Variants in ZDHHC8 observed in about 807,000 individuals in gnomAD.
The protein encoded by ZDHHC8 is palmitoyltransferase ZDHHC8.
In ZDHHC8, 24 loss-of-function variants were observed where a neutral mutation model predicts 61.2. The ratio of observed to expected loss-of-function variants is 0.39; its 90% CI spans 0.28 to 0.55. The LOEUF (loss-of-function observed/expected upper bound fraction) is 0.55, where lower values mean the gene tolerates loss of function less well. Ranked by LOEUF, ZDHHC8 falls within the 20% of genes least tolerant of loss-of-function variation. ZDHHC8 has a pLI of 0.60. For missense variants in ZDHHC8, 935 were observed against 1,102.1 expected (o/e 0.85, Z 2.15); for synonymous variants, 523 against 492.5 (o/e 1.06, Z -0.82).
rs1347300008 is a variant in ZDHHC8, at chr22:20,142,703, G to A, written c.1126-53G>A. ...GTGGCCCCCGTGGGTGCTGACTGGC[G>A]GCTGCAGGCGGGGTGGCAGGTGGGC... is the stretch of plus-strand genomic sequence containing the variant. On this transcript the variant is annotated intron_variant, in intron 9 of 10. Coordinates refer to ENST00000334554, the MANE Select transcript of ZDHHC8 (RefSeq NM_013373.4). 16 of 1,606,684 alleles carry A rather than the reference G, an allele frequency of 1.0e-5. 1 individual carries two copies. Among genetic ancestry groups the A allele is most frequent in the South Asian group, 7.7e-5 (7 of 90,542 alleles).
At chr22:20,142,492 G>A (rs2050478821) in intron 9 of ZDHHC8, among the ~76,000 whole-genome samples, 1 of 152,224 alleles carries the variant, frequency 6.6e-6, no homozygotes, top group Non-Finnish European at 1.5e-5. Flanking sequence ...TGCCCTGAGT[G>A]GTGGGCCCCT....
Position 20,147,388 on chromosome 22 carries a change from A to T in ZDHHC8, c.*1988A>T. ...GATTCCCAGCCTGCCAGGGCCTGAGACCCTGTGTCCACATGACCTCAGGGA... is the reference window on the plus strand; with the variant it reads ...GATTCCCAGCCTGCCAGGGCCTGAGTCCCTGTGTCCACATGACCTCAGGGA... On this transcript the variant is annotated 3_prime_UTR_variant, in exon 11 of 11. Transcript: ENST00000334554. 1.3e-6 allele frequency: 1 copy of T among 763,406 alleles called. No individual in the cohort carries two copies. The allele number at this position is 763,406 out of a possible 1,614,324, so 47.3% of individuals were successfully genotyped here.
chr22:20,145,132 C>T (rs1262659909), intron 10 of ZDHHC8, 97 bp from the exon 11 acceptor site: 33 of 1,170,198 alleles, frequency 2.8e-5, no homozygotes, highest in African/African-American at 1.4e-4. Context: ...CACTAGTCCA[C>T]GTCCGCGTCG....
intron 1 of ZDHHC8, among the ~76,000 whole-genome samples, chr22:20,138,378 G>A (rs1364991233): frequency 2.0e-5 from 3 of 152,242 alleles, no homozygotes; most frequent in South Asian, 2.1e-4. Context: ...TTAGGAACCC[G>A]CTGCAGGCCG....
At chr22:20,145,192 A>G in intron 10 of ZDHHC8, 37 bp from the exon 11 acceptor site, 2 of 1,402,770 alleles carry the variant, frequency 1.4e-6, no homozygotes, top group Non-Finnish European at 1.9e-6. Flanking sequence ...TCGTGTGTTC[A>G]CCGTGTGCAT....
chr22:20,140,933 C>A lies in ZDHHC8; in HGVS notation c.815C>A (p.Pro272His). The change falls in exon 7 of 11, where the codon CCT becomes CAT. Residue 272 changes from proline (P) to histidine (H), a missense_variant. Transcript: ENST00000334554. ...AGTTTGAAGCCGCCTTTCCTTAGGC[C>A]TGAACTCCTGGACCGAGCTGCACCG... is the stretch of plus-strand genomic sequence containing the variant. ...AVSLKPPFLR[P>H]ELLDRAAPLK... 1 of 1,609,352 alleles carries A rather than the reference C, an allele frequency of 6.2e-7. No individual in the cohort carries two copies. Among genetic ancestry groups the A allele is most frequent in the Non-Finnish European group, 8.5e-7 (1 of 1,179,988 alleles).
chr22:20,146,185 G>C lies in ZDHHC8; in HGVS notation c.*785G>C. On this transcript the variant is annotated 3_prime_UTR_variant, in exon 11 of 11. Coordinates refer to ENST00000334554, the MANE Select transcript of ZDHHC8 (RefSeq NM_013373.4). ...GCACGGGGGTGATGCTGCCACAGGG[G>C]GCTGGTGACACCCAGAGCCCCCTCC... 1.0e-6 allele frequency: 1 copy of C among 985,644 alleles called. No homozygotes were observed. Among genetic ancestry groups the C allele is most frequent in the Non-Finnish European group, 1.2e-6 (1 of 829,950 alleles). 61.1% of individuals were successfully genotyped at this position (985,644 alleles called of 1,614,324 possible). A position where few individuals can be genotyped will look rare whatever the true frequency, so the allele number is the denominator to read the frequency against.
At chr22:20,142,444 C>T (rs566127749) in intron 9 of ZDHHC8, among the ~76,000 whole-genome samples, 110 of 152,330 alleles carry the variant, frequency 7.2e-4, no homozygotes, top group African/African-American at 2.5e-3. Flanking sequence ...CCTATGTGCC[C>T]GTCACAGGGG....
chr22:20,133,033 G>A (rs1362867414), intron 1 of ZDHHC8, among the ~76,000 whole-genome samples: 1 of 152,256 alleles, frequency 6.6e-6, no homozygotes, highest in Non-Finnish European at 1.5e-5. Context: ...GGTAGGGGCT[G>A]CCTGGCGCTC....
Position 20,147,335 on chromosome 22 carries a change from T to C in ZDHHC8, c.*1935T>C. On this transcript the variant is annotated 3_prime_UTR_variant, in exon 11 of 11. Transcript: ENST00000334554. ...GGGCAGGGCTGGGGGTGGGCTGGGCTCTCTGCTCCACCAGCCACAGCTTGA... is the reference window on the plus strand; with the variant it reads ...GGGCAGGGCTGGGGGTGGGCTGGGCCCTCTGCTCCACCAGCCACAGCTTGA... 1 of 1,162,652 alleles carries C rather than the reference T, an allele frequency of 8.6e-7. No individual in the cohort carries two copies. The highest frequency in any genetic ancestry group is 1.1e-6 in the Non-Finnish European group (1 of 870,460). 72.0% of individuals were successfully genotyped at this position (1,162,652 alleles called of 1,614,324 possible). A position where few individuals can be genotyped will look rare whatever the true frequency, so the allele number is the denominator to read the frequency against.
chr22:20,135,822 C>A (rs1453603130), intron 1 of ZDHHC8, among the ~76,000 whole-genome samples: 1 of 152,266 alleles, frequency 6.6e-6, no homozygotes, highest in Non-Finnish European at 1.5e-5. Context: ...CTGACAAGGG[C>A]GCAGCAGCTT....
rs1405800808 is a variant in ZDHHC8, at chr22:20,145,667, T to G, written c.*267T>G. 9.0e-7 allele frequency: 1 copy of G among 1,106,440 alleles called. No individual in the cohort carries two copies. Among genetic ancestry groups the G allele is most frequent in the Non-Finnish European group, 1.1e-6 (1 of 907,592 alleles). The allele number at this position is 1,106,440 out of a possible 1,614,324, so 68.5% of individuals were successfully genotyped here. On this transcript the variant is annotated 3_prime_UTR_variant, in exon 11 of 11. Transcript: ENST00000334554. ...TGGGCCTGTCCCATGGCTGGGGCAG[T>G]GAGGGGGCCCAGTCAGCCTCTTTGG... is the stretch of plus-strand genomic sequence containing the variant.
chr22:20,146,869 G>A lies in ZDHHC8; in HGVS notation c.*1469G>A. On this transcript the variant is annotated 3_prime_UTR_variant, in exon 11 of 11. Coordinates refer to ENST00000334554, the MANE Select transcript of ZDHHC8 (RefSeq NM_013373.4). ...CTCTCCTGCCTGCCACATGCCAGGG[G>A]CAGGGCTGAGGGAGTGTGAGGGATG... 1.6e-6 allele frequency: 2 copies of A among 1,270,618 alleles called. No homozygotes were observed. 78.7% of individuals were successfully genotyped at this position (1,270,618 alleles called of 1,614,324 possible).
At position 20,147,572 on chromosome 22, in the gene ZDHHC8, G is replaced by GT. The variant is rs761531803; in HGVS notation, c.*2173dup. ...CCCAGGCCTCCGTGGGTTGGGCTGGGTGGGGGGGGGGTCTCAGGTTGCCCC... is the reference window on the plus strand; with the variant it reads ...CCCAGGCCTCCGTGGGTTGGGCTGGGTTGGGGGGGGGGTCTCAGGTTGCCCC... On this transcript the variant is annotated 3_prime_UTR_variant, in exon 11 of 11. Transcript: ENST00000334554. 317 of 197,444 alleles carry GT rather than the reference G, an allele frequency of 1.6e-3. 1 individual carries two copies. Among genetic ancestry groups the GT allele is most frequent in the South Asian group, 8.4e-3 (49 of 5,848 alleles). 12.2% of individuals were successfully genotyped at this position (197,444 alleles called of 1,614,324 possible).
chr22:20,135,613 G>A (rs1314091192), intron 1 of ZDHHC8, among the ~76,000 whole-genome samples: 1 of 152,256 alleles, frequency 6.6e-6, no homozygotes, highest in Non-Finnish European at 1.5e-5. Context: ...TGGTGGGCCA[G>A]GAGGGACTGA....
chr22:20,146,288 C>G lies in ZDHHC8; in HGVS notation c.*888C>G, dbSNP rs554588326. The G allele has an allele frequency of 6.2e-5, 61 of 985,550 alleles. No individual in the cohort carries two copies. The East Asian group carries it at 6.3e-3, about 101-fold the overall frequency. 61.1% of individuals were successfully genotyped at this position (985,550 alleles called of 1,614,324 possible). On this transcript the variant is annotated 3_prime_UTR_variant, in exon 11 of 11. Coordinates refer to ENST00000334554, the MANE Select transcript of ZDHHC8 (RefSeq NM_013373.4). ...CACGTCCGCAGCCCCGGCCTGGCTG[C>G]GGTGCTCGCGCCGTGGGAAAGCACA...
Position 20,140,857 on chromosome 22 carries a change from G to C in ZDHHC8, c.753-14G>C. 2 of 1,600,178 alleles carry C rather than the reference G, an allele frequency of 1.2e-6. No homozygotes were observed. Among genetic ancestry groups the C allele is most frequent in the Non-Finnish European group, 1.7e-6 (2 of 1,179,630 alleles). On this transcript the variant is annotated splice_polypyrimidine_tract_variant and intron_variant, in intron 6 of 10. Transcript: ENST00000334554. ...GCAGGTGGGCTGGCTACTGACCCCT[G>C]TGCCCTGGTGCAGGTACGTGGTGGA...
At chr22:20,138,217 C>T (rs1024762553) in intron 1 of ZDHHC8, among the ~76,000 whole-genome samples, 2 of 152,222 alleles carry the variant, frequency 1.3e-5, no homozygotes, top group African/African-American at 4.8e-5. Context: ...CCACTAGCCC[C>T]CCGACTATGC....
At position 20,142,992 on chromosome 22, in the gene ZDHHC8, G is replaced by A. The variant is rs201354047; in HGVS notation, c.1362G>A (p.Glu454=). The change falls in exon 10 of 11, where the codon GAG becomes GAA. Residue 454 remains glutamate, a synonymous_variant. Transcript: ENST00000334554. ...TGGCCCTGCAGCCCCTGCGCTCTGA[G>A]GGGGGGCCCCCCACGCCCCACCGTA... The part of the protein sequence containing the change: ...DHVALQPLRS[E]GGPPTPHRSI... The A allele has an allele frequency of 1.6e-4, 255 of 1,603,262 alleles. 2 individuals carry two copies. In the Middle Eastern group the frequency reaches 4.6e-3, roughly 29 times the overall value.
Sources: gnomAD v4.1 joint callset for allele counts (sites outside exome capture counted in the v4.1 genomes callset) on GRCh38, gnomAD v4.1.1 for gene constraint, MANE v1.5 for transcripts, NCBI Gene and HGNC (gene_info 2026-07-23, HGNC 2026-07-21) for gene names.